The following GATAD2A variants were observed in gnomAD, a reference collection of about 807,000 sequenced individuals.
GATAD2A encodes GATA zinc finger domain containing 2A, also known as transcriptional repressor p66-alpha.
Under a neutral mutation model 68.5 loss-of-function variants are expected in GATAD2A, and 12 were observed. The ratio of observed to expected loss-of-function variants is 0.18; its 90% CI spans 0.11 to 0.28. GATAD2A has a LOEUF of 0.28. Ranked by LOEUF, GATAD2A falls within the 10% of genes least tolerant of loss-of-function variation. The probability of loss-of-function intolerance (pLI) is 1.00; values close to 1 mark genes in which losing one functional copy is unlikely to be tolerated. For missense variants in GATAD2A, 755 were observed against 868.5 expected, an observed-to-expected ratio of 0.87 and a Z score of 1.64; for synonymous variants, 410 against 375.3, an observed-to-expected ratio of 1.09 and a Z score of -1.07.
At chr19:19,444,732 G>T (rs1407788371) in intron 1 of GATAD2A, among the ~76,000 whole-genome samples, 1 of 152,082 alleles carries the variant, frequency 6.6e-6, no homozygotes, top group Non-Finnish European at 1.5e-5. Flanking sequence ...TTAGCCAGGT[G>T]TGGTGGTGCG....
intron 2 of GATAD2A, among the ~76,000 whole-genome samples, chr19:19,470,881 C>T (rs762971124): frequency 7.9e-5 from 12 of 152,218 alleles, no homozygotes; most frequent in Non-Finnish European, 1.3e-4. Flanking sequence ...TACCGTATGA[C>T]TTAGCAATTT....
chr19:19,425,087 C>T (rs1302857827), intron 1 of GATAD2A, among the ~76,000 whole-genome samples: 2 of 149,306 alleles, frequency 1.3e-5, no homozygotes, highest in Non-Finnish European at 3.0e-5. Flanking sequence ...AAAACCCAAA[C>T]TTGAGAAAAC....
intron 2 of GATAD2A, among the ~76,000 whole-genome samples, chr19:19,477,414 G>T (rs1244233694): frequency 6.6e-6 from 1 of 152,174 alleles, no homozygotes; most frequent in Non-Finnish European, 1.5e-5. Context: ...TCAAGGCAGG[G>T]CCCTGATAGC....
chr19:19,462,956 G>C (rs1029473981), intron 1 of GATAD2A, among the ~76,000 whole-genome samples: 1 of 152,158 alleles, frequency 6.6e-6, no homozygotes, highest in African/African-American at 2.4e-5. Flanking sequence ...GGGGCAGAGT[G>C]GGGAGCATGG....
At chr19:19,483,342 C>A (rs887223115) in intron 2 of GATAD2A, among the ~76,000 whole-genome samples, 2 of 152,158 alleles carry the variant, frequency 1.3e-5, no homozygotes, top group African/African-American at 4.8e-5. Flanking sequence ...GGCTGAGTTT[C>A]AAAAATCCCA....
chr19:19,408,572 C>CT (rs2050561761), intron 1 of GATAD2A, among the ~76,000 whole-genome samples: 2 of 152,210 alleles, frequency 1.3e-5, no homozygotes, highest in Admixed American at 1.3e-4. Flanking sequence ...TTTAAATACT[C>CT]TAATTTTCAA....
intron 8 of GATAD2A, among the ~76,000 whole-genome samples, chr19:19,500,367 A>G (rs1600303312): frequency 6.6e-6 from 1 of 152,062 alleles, no homozygotes; most frequent in South Asian, 2.1e-4. Flanking sequence ...GAGTCTCGCC[A>G]CATCCATCTC....
At chr19:19,409,970 G>A (rs1207557974) in intron 1 of GATAD2A, among the ~76,000 whole-genome samples, 2 of 152,196 alleles carry the variant, frequency 1.3e-5, no homozygotes, top group African/African-American at 4.8e-5. Flanking sequence ...AATACCTTTA[G>A]GTAGCCTCAG....
At chr19:19,459,146 CTGT>C (rs972128984) in intron 1 of GATAD2A, among the ~76,000 whole-genome samples, 2 of 152,092 alleles carry the variant, frequency 1.3e-5, no homozygotes, top group Non-Finnish European at 2.9e-5. Context: ...GCAGGTGGGG[CTGT>C]TGTTTTATCT....
intron 1 of GATAD2A, among the ~76,000 whole-genome samples, chr19:19,441,204 G>A (rs2055036133): frequency 3.9e-5 from 6 of 151,926 alleles, no homozygotes; most frequent in Admixed American, 2.6e-4. Flanking sequence ...CACCATGCCC[G>A]GCTAAAAACA....
chr19:19,390,794 T>G (rs577427650), intron 1 of GATAD2A, among the ~76,000 whole-genome samples: 1 of 152,194 alleles, frequency 6.6e-6, no homozygotes, highest in Non-Finnish European at 1.5e-5. Context: ...TGGTGAGTGA[T>G]CTGTTCTTAC....
intron 1 of GATAD2A, among the ~76,000 whole-genome samples, chr19:19,430,192 G>A (rs2053574498): frequency 6.6e-6 from 1 of 152,220 alleles, no homozygotes; most frequent in African/African-American, 2.4e-5. Context: ...GCAGGCAGTA[G>A]TGTGCTGACC....
At chr19:19,434,006 C>T (rs944874773) in intron 1 of GATAD2A, among the ~76,000 whole-genome samples, 2 of 152,198 alleles carry the variant, frequency 1.3e-5, no homozygotes, top group African/African-American at 4.8e-5. Context: ...CTCCTGAGCT[C>T]AATTGATCTG....
chr19:19,505,614 G>A lies in GATAD2A; in HGVS notation c.*140G>A. On this transcript the variant is annotated 3_prime_UTR_variant, in exon 12 of 12. Transcript: ENST00000683918. The stretch of plus-strand genomic sequence containing the variant: ...GAGCAAGCACCGGCCATGCTGCAGA[G>A]GCAAGACCTCAATTCTTGGCTGCAA... 1.4e-6 allele frequency: 1 copy of A among 714,180 alleles called. No homozygotes were observed. Among genetic ancestry groups the A allele is most frequent in the Non-Finnish European group, 2.2e-6 (1 of 461,794 alleles). 44.2% of individuals were successfully genotyped at this position (714,180 alleles called of 1,614,324 possible). A position where few individuals can be genotyped will look rare whatever the true frequency, so the allele number is the denominator to read the frequency against.
At chr19:19,459,603 A>T (rs1296613494) in intron 1 of GATAD2A, among the ~76,000 whole-genome samples, 1 of 152,216 alleles carries the variant, frequency 6.6e-6, no homozygotes, top group Admixed American at 6.5e-5. Flanking sequence ...GAGAGTCTCT[A>T]TCTAGCATGT....
rs774811836 is a variant in GATAD2A, at chr19:19,498,422, CTGAG to C, written c.925-19_925-16del. ...TGGGCAGGCGCACGGAGCGCCCTGA[CTGAG>C]TTTTTGTCTCCCAAAGCCCACCCCA... On this transcript the variant is annotated splice_polypyrimidine_tract_variant and intron_variant, in intron 7 of 11. Coordinates refer to ENST00000683918, the MANE Select transcript of GATAD2A (RefSeq NM_001384528.1). 6.3e-6 allele frequency: 10 copies of C among 1,593,746 alleles called. No individual in the cohort carries two copies. Among genetic ancestry groups the C allele is most frequent in the Admixed American group, 1.7e-5 (1 of 59,124 alleles).
chr19:19,394,093 G>A (rs1426737517), intron 1 of GATAD2A, among the ~76,000 whole-genome samples: 1 of 152,036 alleles, frequency 6.6e-6, no homozygotes, highest in Admixed American at 6.6e-5. Context: ...TCACCATGTT[G>A]CCCAGGGTGG....
chr19:19,425,352 G>A (rs2052954400), intron 1 of GATAD2A, among the ~76,000 whole-genome samples: 1 of 152,086 alleles, frequency 6.6e-6, no homozygotes, highest in Non-Finnish European at 1.5e-5. Context: ...GACTGGTCCT[G>A]GCCATTCGGC....
intron 1 of GATAD2A, among the ~76,000 whole-genome samples, chr19:19,440,831 C>A (rs2054935797): frequency 6.6e-6 from 1 of 152,182 alleles, no homozygotes; most frequent in Admixed American, 6.5e-5. Context: ...AACTTTAAAA[C>A]GTAGTTTGAC....
Sources: allele counts gnomAD v4.1 joint callset (sites outside exome capture counted in the v4.1 genomes callset), GRCh38; gene constraint gnomAD v4.1.1; transcripts MANE v1.5; gene names NCBI Gene and HGNC (gene_info 2026-07-23, HGNC 2026-07-21).